PRKG1: variants seen among roughly 807,000 people sequenced by gnomAD.
The protein encoded by PRKG1 is protein kinase cGMP-dependent 1, also known as cGMP-dependent protein kinase 1.
PRKG1 carries 35 observed loss-of-function variants against 88.1 expected under a neutral mutation model. The ratio of observed to expected loss-of-function variants is 0.40; its 90% confidence interval spans 0.30 to 0.53. The LOEUF is 0.53. PRKG1 is among the 20% of genes least tolerant of loss of function. The pLI is 0.59. For missense variants in PRKG1, 540 were observed against 839.8 expected (o/e 0.64, Z 4.41); for synonymous variants, 303 against 292.5 (o/e 1.04, Z -0.37).
chr10:51,709,690 TGGTCTG>T (rs1444075568), intron 3 of PRKG1, among the ~76,000 whole-genome samples: 1 of 129,902 alleles, frequency 7.7e-6, no homozygotes, highest in African/African-American at 2.8e-5. Flanking sequence ...GCCCATGTAG[TGGTCTG>T]GAGTTTGCTG....
intron 3 of PRKG1, among the ~76,000 whole-genome samples, chr10:51,508,406 G>A (rs1841290827): frequency 6.6e-6 from 1 of 152,014 alleles, no homozygotes; most frequent in African/African-American, 2.4e-5. Flanking sequence ...CCTGGGCAAG[G>A]GTGTGGCTAT....
At chr10:51,874,422 A>G (rs1176839609) in intron 4 of PRKG1, among the ~76,000 whole-genome samples, 1 of 152,226 alleles carries the variant, frequency 6.6e-6, no homozygotes, top group Non-Finnish European at 1.5e-5. Context: ...TAACATCAAA[A>G]TATCATGCAA....
chr10:51,047,940 A>G (rs1204209420), intron 1 of PRKG1, among the ~76,000 whole-genome samples: 1 of 152,176 alleles, frequency 6.6e-6, no homozygotes, highest in South Asian at 2.1e-4. Context: ...CGGTTCCTGT[A>G]GTCATGTTAG....
At chr10:51,706,998 CT>C (rs1841622236) in intron 3 of PRKG1, among the ~76,000 whole-genome samples, 2 of 151,978 alleles carry the variant, frequency 1.3e-5, no homozygotes, top group Non-Finnish European at 2.9e-5. Flanking sequence ...GGGCCTATAT[CT>C]TTATTTTTAT....
At chr10:51,336,683 AACTTATAGTAGTC>A (rs1431975373) in intron 2 of PRKG1, among the ~76,000 whole-genome samples, 2 of 152,202 alleles carry the variant, frequency 1.3e-5, no homozygotes. Flanking sequence ...AAAGCAAAGA[AACTTATAGTAGTC>A]ACTTGAGGAC....
At chr10:51,936,438 A>T (rs184216994) in intron 5 of PRKG1, among the ~76,000 whole-genome samples, 29 of 152,206 alleles carry the variant, frequency 1.9e-4, no homozygotes, top group Admixed American at 3.3e-4. Flanking sequence ...GCTATGCCTG[A>T]TAATTTTGTT....
intron 2 of PRKG1, among the ~76,000 whole-genome samples, chr10:51,174,359 TA>T (rs1008458713): frequency 1.3e-5 from 2 of 151,758 alleles, no homozygotes; most frequent in Non-Finnish European, 1.5e-5. Context: ...AAACATTTTA[TA>T]AATAAATACT....
At chr10:51,352,897 T>G (rs563142685) in intron 2 of PRKG1, among the ~76,000 whole-genome samples, 2 of 152,054 alleles carry the variant, frequency 1.3e-5, no homozygotes, top group African/African-American at 4.8e-5. Flanking sequence ...ATCATGGTAC[T>G]GGCAAAACAA....
intron 3 of PRKG1, among the ~76,000 whole-genome samples, chr10:51,702,312 G>C (rs914371883): frequency 6.6e-6 from 1 of 152,130 alleles, no homozygotes; most frequent in African/African-American, 2.4e-5. Flanking sequence ...TACAGGACCA[G>C]TGTGACCCAC....
In PRKG1 at chr10:51,642,982, A is replaced by G. The variant is rs538488760; in HGVS notation, c.593-161603A>G. Reference sequence around the variant, plus strand: ...GTTCTTATCTTAAATCTCTATTTCTAAAATCACCAGGTTTTTCCCACTTTT... The same window carrying G: ...GTTCTTATCTTAAATCTCTATTTCTGAAATCACCAGGTTTTTCCCACTTTT... On this transcript the variant is annotated intron_variant, in intron 3 of 17. Coordinates refer to ENST00000373980, the MANE Select transcript of PRKG1 (RefSeq NM_006258.4). 2.0e-3 allele frequency among the ~76,000 whole-genome samples: 304 copies of G among 152,336 alleles called. 1 individual carries two copies. Among genetic ancestry groups the G allele is most frequent in the African/African-American group, 6.9e-3 (286 of 41,570 alleles).
chr10:51,717,449 G>T (rs1841913075), intron 3 of PRKG1, among the ~76,000 whole-genome samples: 1 of 152,146 alleles, frequency 6.6e-6, no homozygotes, highest in African/African-American at 2.4e-5. Flanking sequence ...TTAATGTAAA[G>T]GTGGCTTTGT....
intron 5 of PRKG1, among the ~76,000 whole-genome samples, chr10:52,047,501 AC>A (rs1156524099): frequency 6.6e-6 from 1 of 152,154 alleles, no homozygotes; most frequent in African/African-American, 2.4e-5. Context: ...TATATTCCAA[AC>A]CACCAAAATC....
At chr10:52,113,464 T>C (rs186065813) in intron 7 of PRKG1, among the ~76,000 whole-genome samples, 2 of 151,716 alleles carry the variant, frequency 1.3e-5, no homozygotes, top group African/African-American at 2.4e-5. Context: ...AAAGAAAATA[T>C]CTGCTTTTCA....
intron 3 of PRKG1, among the ~76,000 whole-genome samples, chr10:51,761,664 A>G (rs937311695): frequency 6.6e-6 from 1 of 152,236 alleles, no homozygotes; most frequent in Non-Finnish European, 1.5e-5. Flanking sequence ...ACTTTTTCAA[A>G]AAGTGTTTTA....
At chr10:51,370,159 G>T (rs1440093573) in intron 2 of PRKG1, among the ~76,000 whole-genome samples, 1 of 152,118 alleles carries the variant, frequency 6.6e-6, no homozygotes, top group Non-Finnish European at 1.5e-5. Context: ...TGCCTCCTCT[G>T]TGATTTTGTG....
At chr10:51,949,045 C>T (rs571015939) in intron 5 of PRKG1, among the ~76,000 whole-genome samples, 2 of 152,222 alleles carry the variant, frequency 1.3e-5, no homozygotes, top group African/African-American at 4.8e-5. Flanking sequence ...TCTTTGTCTT[C>T]TGCATGTCCA....
intron 3 of PRKG1, among the ~76,000 whole-genome samples, chr10:51,712,493 C>G (rs989210295): frequency 2.0e-5 from 3 of 149,674 alleles, no homozygotes; most frequent in Admixed American, 2.0e-4. Flanking sequence ...ATTTGCAACA[C>G]TATTTGGAAA....
At chr10:51,215,738 A>G (rs999731861) in intron 2 of PRKG1, among the ~76,000 whole-genome samples, 2 of 151,976 alleles carry the variant, frequency 1.3e-5, no homozygotes, top group African/African-American at 4.8e-5. Context: ...TCTTTCTTTC[A>G]CCAGTATGAC....
chr10:51,854,556 G>T (rs1237309776), intron 4 of PRKG1, among the ~76,000 whole-genome samples: 1 of 152,076 alleles, frequency 6.6e-6, no homozygotes, highest in Non-Finnish European at 1.5e-5. Context: ...TCACAAGGCA[G>T]ATCTCTATGT....
Sources: gnomAD v4.1 joint callset for allele counts (sites outside exome capture counted in the v4.1 genomes callset) on GRCh38, gnomAD v4.1.1 for gene constraint, MANE v1.5 for transcripts, NCBI Gene and HGNC (gene_info 2026-07-23, HGNC 2026-07-21) for gene names.